Variants in C2CD3 observed in about 807,000 individuals in gnomAD.
C2CD3 encodes C2 domain-containing protein 3.
A neutral mutation model predicts 234.0 loss-of-function variants in C2CD3; 148 were observed. That is an observed-to-expected ratio of 0.63 (90% confidence interval 0.55 to 0.72). C2CD3 has a LOEUF of 0.72. C2CD3 is among the 30% of genes least tolerant of loss of function. The probability of loss-of-function intolerance (pLI) is 0.00; values close to 1 mark genes in which losing one functional copy is unlikely to be tolerated. For missense variants in C2CD3, 2,577 were observed against 2,811.5 expected, an observed-to-expected ratio of 0.92 and a Z score of 1.89; for synonymous variants, 1,000 against 1,035.4, an observed-to-expected ratio of 0.97 and a Z score of 0.66.
At chr11:74,083,921 GA>G (rs1429859151) in intron 22 of C2CD3, among the ~76,000 whole-genome samples, 1 of 152,184 alleles carries the variant, frequency 6.6e-6, no homozygotes, top group Non-Finnish European at 1.5e-5. Flanking sequence ...ATTACCATTT[GA>G]CCCAGCCATC....
Position 74,114,584 on chromosome 11 carries a change from A to G in C2CD3, c.1530T>C (p.Val510=). 1 of 1,613,216 alleles carries G rather than the reference A, an allele frequency of 6.2e-7. No individual in the cohort carries two copies. Among genetic ancestry groups the G allele is most frequent in the Non-Finnish European group, 8.5e-7 (1 of 1,179,176 alleles). The change falls in exon 10 of 33, where the codon GTT becomes GTC. Residue 510 remains valine (V), a synonymous_variant. Transcript: ENST00000334126. ...RSAGKRNRNL[V]EQQMLSETPE... ...GAGTTTCTGAGAGCATCTGTTGTTCAACCAAATTTCTGAAAGGAGTTCACA... is the reference window on the plus strand; with the variant it reads ...GAGTTTCTGAGAGCATCTGTTGTTCGACCAAATTTCTGAAAGGAGTTCACA...
intron 17 of C2CD3, among the ~76,000 whole-genome samples, chr11:74,094,937 T>G (rs777569523): frequency 1.3e-5 from 2 of 152,100 alleles, no homozygotes; most frequent in Non-Finnish European, 2.9e-5. Context: ...AGAGTGGGCA[T>G]GTAAAGGATA....
At chr11:74,123,454 C>T (rs963192968) in intron 7 of C2CD3, among the ~76,000 whole-genome samples, 4 of 151,972 alleles carry the variant, frequency 2.6e-5, no homozygotes, top group Non-Finnish European at 5.9e-5. Flanking sequence ...ACAATCTGTA[C>T]TCTTGTATTA....
At chr11:74,023,012 G>C (rs1952150473) in intron 32 of C2CD3, among the ~76,000 whole-genome samples, 1 of 152,224 alleles carries the variant, frequency 6.6e-6, no homozygotes, top group African/African-American at 2.4e-5. Flanking sequence ...TGACAGATGA[G>C]AAAGCAGACT....
chr11:74,088,361 G>A (rs1955742415), intron 20 of C2CD3, among the ~76,000 whole-genome samples: 1 of 152,182 alleles, frequency 6.6e-6, no homozygotes, highest in Admixed American at 6.5e-5. Flanking sequence ...GGAGATGGGG[G>A]TGAGACTAGA....
At position 74,085,730 on chromosome 11, in the gene C2CD3, C is replaced by T. The variant is rs1187440897; in HGVS notation, c.3798G>A (p.Glu1266=). 4 of 1,614,112 alleles carry T rather than the reference C, an allele frequency of 2.5e-6. No homozygotes were observed. The highest frequency in any genetic ancestry group is 1.6e-4 in the Middle Eastern group (1 of 6,062). ...GCTGAGTCACCAAGTTACATGTGAACTCAACGTGATGGGAGAACTCAGGGC... is the reference window on the plus strand; with the variant it reads ...GCTGAGTCACCAAGTTACATGTGAATTCAACGTGATGGGAGAACTCAGGGC... ...SFCPEFSHHV[E]FTCNLVTQHC... Residue 1266 remains glutamate (E), a synonymous_variant, in exon 21 of 33, where the codon GAG becomes GAA. Transcript: ENST00000334126.
chr11:74,028,457 C>T (rs1304998893), intron 31 of C2CD3, 59 bp from the exon 32 acceptor site: 1 of 1,000,398 alleles, frequency 1.0e-6, no homozygotes, highest in Non-Finnish European at 1.5e-6. Flanking sequence ...GCAGTGGAGG[C>T]CAGCATCTCC....
intron 32 of C2CD3, among the ~76,000 whole-genome samples, chr11:74,027,843 A>T (rs909241068): frequency 2.6e-5 from 4 of 152,226 alleles, no homozygotes; most frequent in African/African-American, 4.8e-5. Context: ...CCAACCACCT[A>T]CTTCAGCTGA....
At chr11:74,032,914 A>G (rs1380744050) in intron 31 of C2CD3, among the ~76,000 whole-genome samples, 2 of 151,842 alleles carry the variant, frequency 1.3e-5, no homozygotes, top group East Asian at 1.9e-4. Context: ...TTCCTTATAT[A>G]TGCAAAATAG....
intron 28 of C2CD3, 95 bp downstream of exon 28, chr11:74,048,107 GTTT>G: frequency 7.6e-7 from 1 of 1,318,048 alleles, no homozygotes; most frequent in Non-Finnish European, 1.0e-6. Flanking sequence ...ACCCTGTCTT[GTTT>G]TTTCCTCTAA....
At chr11:74,092,935 C>T (rs918685509) in intron 18 of C2CD3, among the ~76,000 whole-genome samples, 3 of 152,288 alleles carry the variant, frequency 2.0e-5, no homozygotes, top group Non-Finnish European at 4.4e-5. Flanking sequence ...TTACTCTCAT[C>T]TTCATGCTGA....
chr11:74,106,232 T>C, intron 13 of C2CD3, 139 bp downstream of exon 13: 1 of 732,814 alleles, frequency 1.4e-6, no homozygotes, highest in South Asian at 2.0e-5. Flanking sequence ...TCCTTCATAG[T>C]ACTTCCACTG....
chr11:74,021,608 G>A (rs530502650), intron 32 of C2CD3, among the ~76,000 whole-genome samples: 3 of 152,308 alleles, frequency 2.0e-5, no homozygotes, highest in South Asian at 4.1e-4. Context: ...TGAAGAAAGT[G>A]TTCAAAGGAG....
chr11:74,129,000 C>CG (rs1286428091), intron 7 of C2CD3: 2 of 278,534 alleles, frequency 7.2e-6, no homozygotes, highest in African/African-American at 4.7e-5. Context: ...CCACCTTTCC[C>CG]CCTTTCCTAT....
intron 32 of C2CD3, among the ~76,000 whole-genome samples, chr11:74,017,117 G>A (rs1951908924): frequency 6.6e-6 from 1 of 152,212 alleles, no homozygotes; most frequent in Non-Finnish European, 1.5e-5. Context: ...ATGGAGAACA[G>A]CCAAGACAAA....
At chr11:74,089,021 A>G (rs1437157695) in intron 20 of C2CD3, among the ~76,000 whole-genome samples, 1 of 152,190 alleles carries the variant, frequency 6.6e-6, no homozygotes, top group African/African-American at 2.4e-5. Context: ...ATCTTAGAAT[A>G]TATTTTGTAT....
intron 30 of C2CD3, 36 bp downstream of exon 30, chr11:74,037,442 C>A (rs1417134441): frequency 2.0e-6 from 3 of 1,514,942 alleles, no homozygotes; most frequent in African/African-American, 2.7e-5. Flanking sequence ...CACCTAGTGA[C>A]CATAACATCT....
chr11:74,118,465 G>A (rs1277824404), intron 8 of C2CD3, 83 bp from the exon 9 acceptor site: 2 of 1,028,084 alleles, frequency 1.9e-6, no homozygotes, highest in Non-Finnish European at 3.0e-6. Context: ...AAGAAAGCAA[G>A]TTCTTCTCTG....
Position 74,028,395 on chromosome 11 carries a change from T to C in C2CD3, c.6813A>G (p.Pro2271=), listed in dbSNP as rs896636715. ...ETSTKQSLLL[P]GPIVVPNFFL... ...AGAAGTTGGGCACCACAATGGGCCC[T>C]GGGCTACAATGGTAGTTAAGGGACA... Residue 2271 remains proline (P), a synonymous_variant, in exon 32 of 33, where the codon CCA becomes CCG. Transcript: ENST00000334126. 6 of 1,532,400 alleles carry C rather than the reference T, an allele frequency of 3.9e-6. No homozygotes were observed. The East Asian group carries it at 9.8e-5, about 25-fold the overall frequency. 94.9% of individuals were successfully genotyped at this position (1,532,400 alleles called of 1,614,324 possible).
Sources: allele counts gnomAD v4.1 joint callset (sites outside exome capture counted in the v4.1 genomes callset), GRCh38; gene constraint gnomAD v4.1.1; transcripts MANE v1.5; gene names NCBI Gene and HGNC (gene_info 2026-07-23, HGNC 2026-07-21).